The following AGBL4 variants were observed in gnomAD, a reference collection of about 807,000 sequenced individuals.
AGBL4 encodes the protein AGBL carboxypeptidase 4.
Under a neutral mutation model 66.4 loss-of-function variants are expected in AGBL4, and 58 were observed. The observed-to-expected ratio is 0.87, with a 90% CI of 0.71 to 1.09. AGBL4 has a LOEUF of 1.09. Among genes scored for constraint, AGBL4 ranks in the 50% least tolerant of loss-of-function variants. The pLI is 0.00. For synonymous variants in AGBL4, 234 were observed against 222.9 expected (o/e 1.05, Z -0.44); for missense variants, 579 against 631.0 (o/e 0.92, Z 0.88).
intron 4 of AGBL4, among the ~76,000 whole-genome samples, chr1:49,189,608 G>A (rs1024807417): frequency 2.6e-5 from 4 of 152,064 alleles, no homozygotes; most frequent in Non-Finnish European, 5.9e-5. Context: ...ATCCTATTTG[G>A]TCATCAGTTT....
intron 6 of AGBL4, among the ~76,000 whole-genome samples, chr1:48,718,444 A>G (rs1647088389): frequency 6.6e-6 from 1 of 152,246 alleles, no homozygotes; most frequent in African/African-American, 2.4e-5. Flanking sequence ...AATCAGCAAA[A>G]TGAAAATAAT....
intron 3 of AGBL4, among the ~76,000 whole-genome samples, chr1:49,580,761 G>A (rs758288012): frequency 6.6e-6 from 1 of 152,048 alleles, no homozygotes; most frequent in African/African-American, 2.4e-5. Flanking sequence ...TCCACTGTGA[G>A]TCACATGTTT....
chr1:49,095,348 T>C (rs1480405310), intron 4 of AGBL4, among the ~76,000 whole-genome samples: 2 of 152,164 alleles, frequency 1.3e-5, no homozygotes, highest in Non-Finnish European at 2.9e-5. Flanking sequence ...AAAGTTCATA[T>C]GGAACCAAAA....
intron 2 of AGBL4, among the ~76,000 whole-genome samples, chr1:49,760,638 A>G (rs951326100): frequency 2.6e-5 from 4 of 152,198 alleles, no homozygotes; most frequent in Non-Finnish European, 5.9e-5. Flanking sequence ...CTAGAACCAG[A>G]AATACCACTT....
intron 3 of AGBL4, among the ~76,000 whole-genome samples, chr1:49,250,063 A>C (rs1651926732): frequency 6.6e-6 from 1 of 152,238 alleles, no homozygotes; most frequent in African/African-American, 2.4e-5. Flanking sequence ...TGATTACCAG[A>C]GGCCAGTAAG....
chr1:49,992,002 G>C (rs1659981880), intron 1 of AGBL4, among the ~76,000 whole-genome samples: 1 of 152,130 alleles, frequency 6.6e-6, no homozygotes, highest in African/African-American at 2.4e-5. Context: ...AAAGTACCTA[G>C]GAAATAGTGA....
chr1:48,643,367 GCA>G (rs1272610150), intron 8 of AGBL4, among the ~76,000 whole-genome samples: 1 of 152,126 alleles, frequency 6.6e-6, no homozygotes, highest in South Asian at 2.1e-4. Flanking sequence ...TTTGTGTGGT[GCA>G]CAGACTGTAC....
chr1:49,085,262 TTCATCATCATCATCATCATCATCATCA>T, intron 4 of AGBL4, among the ~76,000 whole-genome samples: 1 of 145,436 alleles, frequency 6.9e-6, no homozygotes, highest in African/African-American at 2.6e-5. Context: ...GACTGGGACT[TTCATCATCATCATCATCATCATCATCA>T]TCATCATCAT....
chr1:48,760,565 T>C (rs1020683969), intron 6 of AGBL4, among the ~76,000 whole-genome samples: 6 of 152,322 alleles, frequency 3.9e-5, no homozygotes, highest in East Asian at 1.9e-4. Flanking sequence ...GTGAGACCCC[T>C]GGAGGCAAGG....
intron 6 of AGBL4, among the ~76,000 whole-genome samples, chr1:48,761,912 T>C (rs770211111): frequency 3.9e-5 from 6 of 152,144 alleles, no homozygotes; most frequent in Non-Finnish European, 7.4e-5. Context: ...CAAGTGCCAA[T>C]AGACATGAGA....
Position 49,016,713 on chromosome 1 carries a change from C to T in AGBL4, c.594+28871G>A, listed in dbSNP as rs188623008. On this transcript the variant is annotated intron_variant, in intron 5 of 13. Coordinates refer to ENST00000371839, the MANE Select transcript of AGBL4 (RefSeq NM_032785.4). ...ATCTATAGTAGTTGGGTAAACAGGT[C>T]GTCAGCGAACCCTGACAGCAGGGAT... 1.4e-4 allele frequency among the ~76,000 whole-genome samples: 22 copies of T among 152,302 alleles called. No homozygotes were observed. The East Asian group carries it at 3.7e-3, about 25-fold the overall frequency.
intron 11 of AGBL4, among the ~76,000 whole-genome samples, chr1:48,570,186 C>G (rs963856003): frequency 6.6e-6 from 1 of 152,240 alleles, no homozygotes; most frequent in Non-Finnish European, 1.5e-5. Flanking sequence ...TGACTTTCAA[C>G]AGAGCCCAGT....
At chr1:48,870,582 T>C (rs1245536746) in intron 5 of AGBL4, among the ~76,000 whole-genome samples, 1 of 152,192 alleles carries the variant, frequency 6.6e-6, no homozygotes, top group African/African-American at 2.4e-5. Context: ...TGGGGTTCTT[T>C]GCCTTTAAGA....
intron 9 of AGBL4, among the ~76,000 whole-genome samples, chr1:48,598,412 C>T (rs553618770): frequency 1.1e-3 from 161 of 152,222 alleles, no homozygotes; most frequent in African/African-American, 2.3e-3. Context: ...GCCTACTACA[C>T]ACCTAGGGTA....
chr1:50,021,738 T>C (rs1013475530), intron 1 of AGBL4, among the ~76,000 whole-genome samples: 4 of 152,166 alleles, frequency 2.6e-5, no homozygotes, highest in Non-Finnish European at 1.5e-5. Context: ...GTGGAGAGTA[T>C]ATCCTATATC....
Position 49,707,150 on chromosome 1 carries a change from A to C in AGBL4, c.158-9713T>G, listed in dbSNP as rs1337724876. On this transcript the variant is annotated intron_variant, in intron 2 of 13. Transcript: ENST00000371839. ...TCTAATATTGACAGTGGGGTGTTAA[A>C]GTCTCCCACTATTACTGTGTGGGAG... Among the ~76,000 whole-genome samples, 30 of 152,072 alleles carry C rather than the reference A, an allele frequency of 2.0e-4. 2 individuals are homozygous for C. The highest frequency in any genetic ancestry group is 2.0e-3 in the Admixed American group (30 of 15,260).
intron 1 of AGBL4, among the ~76,000 whole-genome samples, chr1:49,967,101 G>C (rs529074322): frequency 6.6e-6 from 1 of 152,198 alleles, no homozygotes; most frequent in South Asian, 2.1e-4. Context: ...CACAATGGTT[G>C]AACTAGTTTA....
At chr1:48,645,933 T>C (rs748295313) in intron 8 of AGBL4, among the ~76,000 whole-genome samples, 1 of 152,156 alleles carries the variant, frequency 6.6e-6, no homozygotes, top group Non-Finnish European at 1.5e-5. Flanking sequence ...ATGTTTGGCC[T>C]GGAGCAGTGG....
intron 3 of AGBL4, among the ~76,000 whole-genome samples, chr1:49,282,813 G>A (rs164822): frequency 0.053 from 8,025 of 152,162 alleles, 242 homozygotes; most frequent in African/African-American, 0.069. Context: ...CTTTTCGGAC[G>A]GGCTTAAAAA....
Sources: allele counts gnomAD v4.1 joint callset (sites outside exome capture counted in the v4.1 genomes callset), GRCh38; gene constraint gnomAD v4.1.1; transcripts MANE v1.5; gene names NCBI Gene and HGNC (gene_info 2026-07-23, HGNC 2026-07-21).